Variants in PCDH7 observed in about 807,000 individuals in gnomAD.
PCDH7 encodes the protein protocadherin 7, also known as protocadherin-7.
A neutral mutation model predicts 58.9 loss-of-function variants in PCDH7; 17 were observed. The observed-to-expected ratio is 0.29, with a 90% CI of 0.20 to 0.43. PCDH7 has a LOEUF of 0.43. Ranked by LOEUF, PCDH7 falls within the 20% of genes least tolerant of loss-of-function variation. The probability of loss-of-function intolerance (pLI) is 1.00; values close to 1 mark genes in which losing one functional copy is unlikely to be tolerated. For synonymous variants in PCDH7, 664 were observed against 616.4 expected, an observed-to-expected ratio of 1.08 and a Z score of -1.14; for missense variants, 1,274 against 1,441.0, an observed-to-expected ratio of 0.88 and a Z score of 1.88.
chr4:30,842,477 G>A (rs1731344172), intron 1 of PCDH7, among the ~76,000 whole-genome samples: 1 of 152,208 alleles, frequency 6.6e-6, no homozygotes, highest in East Asian at 1.9e-4. Context: ...CACATTTTAA[G>A]TGCTTATAGT....
In PCDH7 at chr4:30,721,662, C is replaced by T; in HGVS notation, c.240C>T (p.Leu80=). 1 of 1,613,994 alleles carries T rather than the reference C, an allele frequency of 6.2e-7. No individual in the cohort carries two copies. Among genetic ancestry groups the T allele is most frequent in the Non-Finnish European group, 8.5e-7 (1 of 1,180,016 alleles). ...CCGAGTACCTGAAGATCGACAACCT[C>T]ACTGGCGAGCTGAGCACGAGCGAGC... Residue 80 remains leucine (L), a synonymous_variant, in exon 1 of 2, where the codon CTC becomes CTT. Coordinates refer to ENST00000361762, the Ensembl canonical transcript of PCDH7. The surrounding 1 kb of genome is among the most constrained non-coding windows in gnomAD (Gnocchi z 6.7).
At chr4:30,725,561 A>G (rs948475435) in intron 1 of PCDH7, among the ~76,000 whole-genome samples, 1 of 152,194 alleles carries the variant, frequency 6.6e-6, no homozygotes, top group African/African-American at 2.4e-5. Flanking sequence ...TAGCATCCTC[A>G]GAAAGTTTAC....
At chr4:30,764,633 C>T (rs911952837) in intron 1 of PCDH7, among the ~76,000 whole-genome samples, 6 of 152,104 alleles carry the variant, frequency 3.9e-5, no homozygotes, top group Non-Finnish European at 8.8e-5. Flanking sequence ...TTCACTAGAT[C>T]TTTATTGGTA....
At chr4:30,982,900 A>C (rs1365994369) in intron 3 of PCDH7, among the ~76,000 whole-genome samples, 1 of 152,192 alleles carries the variant, frequency 6.6e-6, no homozygotes, top group Non-Finnish European at 1.5e-5. Context: ...CATTGATTTT[A>C]GAGAGAATTA....
chr4:31,097,605 TA>T, intron 3 of PCDH7, among the ~76,000 whole-genome samples: 1 of 29,716 alleles, frequency 3.4e-5, no homozygotes, highest in Non-Finnish European at 5.0e-5. Context: ...TATATATATA[TA>T]TATATATATA....
At chr4:30,799,966 G>A (rs967745170) in intron 1 of PCDH7, among the ~76,000 whole-genome samples, 11 of 150,776 alleles carry the variant, frequency 7.3e-5, no homozygotes, top group African/African-American at 1.2e-4. Context: ...CGATTCTTCC[G>A]CCTCAGCCTC....
In PCDH7 at chr4:30,722,714, A is replaced by C. The variant is rs990033990; in HGVS notation, c.1292A>C (p.Asn431Thr). Residue 431 changes from asparagine to threonine, a missense_variant, in exon 1 of 2, where the codon AAC becomes ACC. Transcript: ENST00000361762. The surrounding 1 kb of genome is among the most constrained non-coding windows in gnomAD (Gnocchi z 7.6). ...ATCCCCCTCAAGGACGGGGTGGCCA[A>C]CGTGGCCGAGGACGTTCTGGTCGAC... 1 of 1,613,572 alleles carries C rather than the reference A, an allele frequency of 6.2e-7. No individual in the cohort carries two copies. The highest frequency in any genetic ancestry group is 1.1e-5 in the South Asian group (1 of 91,080).
chr4:31,135,822 A>G (rs1162088351), intron 3 of PCDH7, among the ~76,000 whole-genome samples: 1 of 152,218 alleles, frequency 6.6e-6, no homozygotes, highest in South Asian at 2.1e-4. Context: ...GGTTCGTTGT[A>G]AACTTATGAA....
chr4:30,913,322 TGAA>T (rs1742018971), intron 1 of PCDH7, among the ~76,000 whole-genome samples: 1 of 152,108 alleles, frequency 6.6e-6, no homozygotes, highest in African/African-American at 2.4e-5. Flanking sequence ...ATAATAAAAA[TGAA>T]GTCACAAAAC....
At chr4:30,971,637 C>CT (rs1174630439) in intron 3 of PCDH7, among the ~76,000 whole-genome samples, 2 of 152,180 alleles carry the variant, frequency 1.3e-5, no homozygotes, top group East Asian at 3.8e-4. Context: ...TTTTAGAACA[C>CT]TTTGACAAGG....
Position 31,056,344 on chromosome 4 carries a change from C to T in PCDH7, c.*8-86129C>T, listed in dbSNP as rs117447178. ...AATAGTGTCACTGCACTCCAGCATA[C>T]GTGACAGAGAGAGACCCTGACAGGA... On this transcript the variant is annotated intron_variant, in intron 3 of 3. Transcript: ENST00000509759. 2.8e-4 allele frequency among the ~76,000 whole-genome samples: 40 copies of T among 144,918 alleles called. 1 individual carries two copies. In the East Asian group the frequency reaches 7.1e-3, roughly 26 times the overall value.
chr4:30,929,838 A>G (rs559056722), intron 2 of PCDH7, among the ~76,000 whole-genome samples: 1 of 152,244 alleles, frequency 6.6e-6, no homozygotes, highest in Non-Finnish European at 1.5e-5. Flanking sequence ...AATTGTGTCC[A>G]TTGTTTCAGT....
Position 31,123,100 on chromosome 4 carries a change from AC to A in PCDH7, c.*8-19371del, listed in dbSNP as rs548476375. 7.6e-4 allele frequency among the ~76,000 whole-genome samples: 115 copies of A among 152,216 alleles called. 1 individual carries two copies. The highest frequency in any genetic ancestry group is 2.7e-3 in the African/African-American group (113 of 41,544). On this transcript the variant is annotated intron_variant, in intron 3 of 3. Coordinates refer to the PCDH7 transcript ENST00000509759. Reference sequence around the variant, plus strand: ...TTTAAGATAAGCAACACTAAAATGTACCTTTTTAAGCCACTTTTCTGGGGGT... The same window carrying A: ...TTTAAGATAAGCAACACTAAAATGTACTTTTTAAGCCACTTTTCTGGGGGT...
chr4:30,932,187 A>T (rs1744686662), intron 2 of PCDH7, among the ~76,000 whole-genome samples: 1 of 152,320 alleles, frequency 6.6e-6, no homozygotes, highest in South Asian at 2.1e-4. Context: ...CGGAAATAGA[A>T]TCTGAATGAG....
intron 3 of PCDH7, among the ~76,000 whole-genome samples, chr4:30,965,887 T>C (rs770013258): frequency 6.6e-5 from 10 of 152,124 alleles, no homozygotes; most frequent in African/African-American, 1.7e-4. Context: ...AGCCAAGTTA[T>C]TATGGATAAT....
At chr4:31,122,388 T>A (rs1010840111) in intron 3 of PCDH7, among the ~76,000 whole-genome samples, 2 of 152,188 alleles carry the variant, frequency 1.3e-5, no homozygotes, top group Admixed American at 1.3e-4. Context: ...AAGTTTTCAC[T>A]GACAGTTACT....
intron 1 of PCDH7, among the ~76,000 whole-genome samples, chr4:30,886,821 C>T (rs868712822): frequency 1.4e-3 from 212 of 149,314 alleles, no homozygotes; most frequent in African/African-American, 5.1e-3. Context: ...ATGTCCTTTG[C>T]AGGGACATGG....
intron 1 of PCDH7, among the ~76,000 whole-genome samples, chr4:30,775,984 C>G (rs1722015188): frequency 6.6e-6 from 1 of 152,164 alleles, no homozygotes; most frequent in Non-Finnish European, 1.5e-5. Flanking sequence ...TCATTTCCCT[C>G]TAAGACATAG....
chr4:30,832,377 G>A (rs892088469), intron 1 of PCDH7, among the ~76,000 whole-genome samples: 1 of 151,990 alleles, frequency 6.6e-6, no homozygotes, highest in East Asian at 1.9e-4. Context: ...GATACATCTG[G>A]TATATTCTGA....
Sources: gnomAD v4.1 joint callset for allele counts (sites outside exome capture counted in the v4.1 genomes callset) on GRCh38, gnomAD v4.1.1 for gene constraint, Gnocchi (gnomAD v3.1) non-coding constraint, MANE v1.5 for transcripts, NCBI Gene and HGNC (gene_info 2026-07-23, HGNC 2026-07-21) for gene names.